HDAC9: variants seen among roughly 807,000 people sequenced by gnomAD.
The protein encoded by HDAC9 is histone deacetylase 9.
Under a neutral mutation model 139.4 loss-of-function variants are expected in HDAC9, and 41 were observed. That is an observed-to-expected ratio of 0.29 (90% confidence interval 0.23 to 0.38). The LOEUF (loss-of-function observed/expected upper bound fraction) is 0.38. HDAC9 is among the 10% of genes least tolerant of loss of function. The pLI is 1.00. For missense variants in HDAC9, 1,147 were observed against 1,297.0 expected (o/e 0.88, Z 1.78); for synonymous variants, 517 against 476.2 (o/e 1.09, Z -1.12).
intron 1 of HDAC9, among the ~76,000 whole-genome samples, chr7:18,093,333 T>C (rs747668379): frequency 6.6e-6 from 1 of 152,168 alleles, no homozygotes; most frequent in Admixed American, 6.5e-5. Context: ...ACACATCCCA[T>C]ACTCACAAGC....
chr7:18,210,551 G>C (rs1791866117), intron 2 of HDAC9, among the ~76,000 whole-genome samples: 1 of 152,160 alleles, frequency 6.6e-6, no homozygotes, highest in Non-Finnish European at 1.5e-5. Context: ...TTTAAAACCA[G>C]TTACTTCCTT....
At chr7:18,121,560 C>A (rs1327614992) in intron 1 of HDAC9, among the ~76,000 whole-genome samples, 27 of 140,278 alleles carry the variant, frequency 1.9e-4, no homozygotes, top group Admixed American at 4.2e-4. Context: ...AAAAAAAAAA[C>A]CATTGAAATT....
At chr7:18,558,578 C>G (rs1819597511) in intron 2 of HDAC9, among the ~76,000 whole-genome samples, 1 of 152,256 alleles carries the variant, frequency 6.6e-6, no homozygotes, top group South Asian at 2.1e-4. Flanking sequence ...TTTAGTCCCT[C>G]TATTGTAACA....
At chr7:18,256,567 A>G (rs1054038306) in intron 2 of HDAC9, among the ~76,000 whole-genome samples, 1 of 152,224 alleles carries the variant, frequency 6.6e-6, no homozygotes, top group East Asian at 1.9e-4. Context: ...ATTCATTGTC[A>G]TCAGTAATGG....
intron 2 of HDAC9, among the ~76,000 whole-genome samples, chr7:18,546,337 T>G (rs532702711): frequency 1.3e-5 from 2 of 152,316 alleles, no homozygotes; most frequent in South Asian, 4.1e-4. Flanking sequence ...TCACTCTCAC[T>G]GGGTCACATC....
At chr7:18,292,108 T>C (rs1797846509) in intron 1 of HDAC9, among the ~76,000 whole-genome samples, 1 of 152,118 alleles carries the variant, frequency 6.6e-6, no homozygotes, top group Non-Finnish European at 1.5e-5. Flanking sequence ...TAAGCTATTT[T>C]TTTTCTATAC....
At chr7:18,124,759 G>A (rs763545099) in intron 1 of HDAC9, among the ~76,000 whole-genome samples, 7 of 152,144 alleles carry the variant, frequency 4.6e-5, no homozygotes, top group Non-Finnish European at 1.0e-4. Context: ...CCCAGCTGCT[G>A]TTACTGACAG....
intron 2 of HDAC9, among the ~76,000 whole-genome samples, chr7:18,273,903 A>G (rs1410891094): frequency 1.3e-5 from 2 of 152,200 alleles, no homozygotes; most frequent in Admixed American, 6.5e-5. Context: ...CGCATCTATC[A>G]TATTGACAAA....
chr7:18,953,754 G>A (rs1036690194), intron 23 of HDAC9, among the ~76,000 whole-genome samples: 1 of 152,074 alleles, frequency 6.6e-6, no homozygotes, highest in African/African-American at 2.4e-5. Context: ...ATAATAGAGT[G>A]CCCACTTTCT....
chr7:18,954,180 GC>G lies in HDAC9; in HGVS notation c.2975del (p.Pro992ArgfsTer3). 1 of 1,573,400 alleles carries G rather than the reference GC, an allele frequency of 6.4e-7. No individual in the cohort carries two copies. Among genetic ancestry groups the G allele is most frequent in the Non-Finnish European group, 8.7e-7 (1 of 1,153,518 alleles). On this transcript the variant is annotated frameshift_variant, in exon 24 of 26. Transcript: ENST00000686413. LOFTEE classifies it high-confidence loss of function. ...CTTGCAGAAGATATTCTCCACCAAA[GC>G]CCGAATATGAATGCTGTTATTTCTT... ...EPLAEDILHQ[S>X]PNMNAVISLQ...
In HDAC9 at chr7:18,863,136, A is replaced by G. The variant is rs1798237907; in HGVS notation, c.2685-11342A>G. On this transcript the variant is annotated intron_variant, in intron 21 of 25. Coordinates refer to ENST00000686413, the MANE Select transcript of HDAC9 (RefSeq NM_178425.4). ...GGCTCATAAACAGTGAAGCCACAGT[A>G]GAAATGGGAATGGCCTTTCACTAAA... 2.0e-5 allele frequency among the ~76,000 whole-genome samples: 3 copies of G among 152,342 alleles called. No homozygotes were observed. The East Asian group carries it at 5.8e-4, about 29-fold the overall frequency.
intron 2 of HDAC9, among the ~76,000 whole-genome samples, chr7:18,497,133 G>T (rs367915466): frequency 6.6e-6 from 1 of 152,120 alleles, no homozygotes; most frequent in Non-Finnish European, 1.5e-5. Flanking sequence ...ATCACTTAAC[G>T]TGTAATTATT....
At chr7:18,769,805 G>A (rs1562928661) in intron 16 of HDAC9, among the ~76,000 whole-genome samples, 4 of 152,030 alleles carry the variant, frequency 2.6e-5, no homozygotes, top group Admixed American at 6.6e-5. Context: ...GTATGATCCC[G>A]GAAGGCCCCA....
chr7:18,786,674 C>T lies in HDAC9; in HGVS notation c.2215-6671C>T, dbSNP rs554242800. ...CCTTCTTTCCTCCCTTCCTCCCTTC[C>T]TTCCTTTTTGCTCACATATCCCTTT... On this transcript the variant is annotated intron_variant, in intron 16 of 25. Transcript: ENST00000686413. Among the ~76,000 whole-genome samples, 77 of 125,766 alleles carry T rather than the reference C, an allele frequency of 6.1e-4. 12 individuals are homozygous for T. The highest frequency in any genetic ancestry group is 2.5e-3 in the African/African-American group (75 of 30,318). 82.5% of individuals were successfully genotyped at this position (125,766 alleles called of 152,430 possible).
chr7:18,894,979 A>G (rs958753615), intron 22 of HDAC9, among the ~76,000 whole-genome samples: 4 of 152,064 alleles, frequency 2.6e-5, no homozygotes, highest in South Asian at 2.1e-4. Context: ...CTTTTTTCTC[A>G]GTGAAACAGG....
intron 2 of HDAC9, among the ~76,000 whole-genome samples, chr7:18,267,202 T>C (rs1320206497): frequency 1.3e-5 from 2 of 152,130 alleles, no homozygotes; most frequent in African/African-American, 2.4e-5. Context: ...CTTTATAATG[T>C]ATAATATGTT....
chr7:18,437,798 C>A (rs1330277907), intron 1 of HDAC9, among the ~76,000 whole-genome samples: 1 of 151,102 alleles, frequency 6.6e-6, no homozygotes, highest in Non-Finnish European at 1.5e-5. Context: ...ATAATTCATA[C>A]ATTTATAGAA....
intron 1 of HDAC9, among the ~76,000 whole-genome samples, chr7:18,420,599 T>C (rs1204380738): frequency 1.3e-5 from 2 of 152,222 alleles, no homozygotes; most frequent in Admixed American, 6.5e-5. Context: ...ATTCATTTAC[T>C]TGTTTATTCA....
At chr7:18,384,286 G>A (rs1304449598) in intron 1 of HDAC9, among the ~76,000 whole-genome samples, 2 of 151,728 alleles carry the variant, frequency 1.3e-5, no homozygotes, top group African/African-American at 4.8e-5. Flanking sequence ...TCAACCTGAG[G>A]GACAGAGGGA....
Sources: gnomAD v4.1 joint callset for allele counts (sites outside exome capture counted in the v4.1 genomes callset) on GRCh38, gnomAD v4.1.1 for gene constraint, MANE v1.5 for transcripts, NCBI Gene and HGNC (gene_info 2026-07-23, HGNC 2026-07-21) for gene names.